Variants in STK38 observed in about 807,000 individuals in gnomAD.
The protein encoded by STK38 is serine/threonine kinase 38.
A neutral mutation model predicts 59.0 loss-of-function variants in STK38; 26 were observed. That is an observed-to-expected ratio of 0.44 (90% CI 0.32 to 0.61). The LOEUF (loss-of-function observed/expected upper bound fraction) is 0.61. Ranked by LOEUF, STK38 falls within the 20% of genes least tolerant of loss-of-function variation. The pLI is 0.04. For synonymous variants in STK38, 175 were observed against 176.6 expected (o/e 0.99, Z 0.07); for missense variants, 433 against 566.0 (o/e 0.76, Z 2.38).
At chr6:36,546,745 T>C (rs1778061612) in intron 1 of STK38, among the ~76,000 whole-genome samples, 1 of 152,132 alleles carries the variant, frequency 6.6e-6, no homozygotes, top group Non-Finnish European at 1.5e-5. Flanking sequence ...AGGAGCCGAC[T>C]CAAAGATACC....
chr6:36,499,400 A>C (rs940906568), intron 10 of STK38, among the ~76,000 whole-genome samples: 2 of 152,116 alleles, frequency 1.3e-5, no homozygotes, highest in African/African-American at 2.4e-5. Flanking sequence ...GGATATACTT[A>C]ATCTAGTGCT....
At chr6:36,521,128 G>A (rs1290963614) in intron 5 of STK38, among the ~76,000 whole-genome samples, 1 of 152,148 alleles carries the variant, frequency 6.6e-6, no homozygotes, top group Non-Finnish European at 1.5e-5. Context: ...TTTATAAATT[G>A]ATTTGCAAAC....
At chr6:36,520,302 A>C (rs1052069960) in intron 5 of STK38, among the ~76,000 whole-genome samples, 5 of 152,400 alleles carry the variant, frequency 3.3e-5, no homozygotes, top group African/African-American at 1.2e-4. Context: ...AAGTTTTAGA[A>C]AGTGATTTTG....
rs530721684 is a variant in STK38 at position 36,527,559 on chromosome 6, A to G, written c.132-1917T>C. On this transcript the variant is annotated intron_variant, in intron 2 of 13. Transcript: ENST00000229812. ...CGGAGTGAGACTCTGCCTCAAAGAA[A>G]AAAAAAACCTTCAGACATCAAACTT... is the stretch of plus-strand genomic sequence containing the variant. Among the ~76,000 whole-genome samples, 10 of 151,866 alleles carry G rather than the reference A, an allele frequency of 6.6e-5. No individual in the cohort carries two copies. In the South Asian group the frequency reaches 2.1e-3, roughly 32 times the overall value.
chr6:36,504,932 A>AAAAGAAAGG (rs1776928469), intron 9 of STK38, among the ~76,000 whole-genome samples: 1 of 147,176 alleles, frequency 6.8e-6, no homozygotes, highest in African/African-American at 2.5e-5. Flanking sequence ...AGAAAGAAAG[A>AAAAGAAAGG]AAAGAAAGGA....
At chr6:36,540,019 C>G in intron 2 of STK38, 53 bp downstream of exon 2, 1 of 1,604,710 alleles carries the variant, frequency 6.2e-7, no homozygotes, top group Non-Finnish European at 8.5e-7. Context: ...TTTTACAATA[C>G]GAGAAAGGAA....
At chr6:36,538,891 CAAA>C (rs1214217676) in intron 2 of STK38, among the ~76,000 whole-genome samples, 1 of 54,134 alleles carries the variant, frequency 1.8e-5, no homozygotes, top group Non-Finnish European at 3.5e-5. Context: ...GACTCTGTCT[CAAA>C]AAAAAAAAAA....
Position 36,495,913 on chromosome 6 carries a change from C to A in STK38, c.1269G>T (p.Val423=). 6.2e-7 allele frequency: 1 copy of A among 1,613,926 alleles called. No homozygotes were observed. The highest frequency in any genetic ancestry group is 1.1e-5 in the South Asian group (1 of 91,056). ...CAGTCTCAGGATGATTACTTGTGGC[C>A]ACTGGGAAAGAAATAGATGTGAGAG... ...FPESDILKPT[V]ATSNHPETDY... The change falls in exon 14 of 14, where the codon GTG becomes GTT. Residue 423 remains valine (V), a splice_region_variant and synonymous_variant. Coordinates refer to ENST00000229812, the MANE Select transcript of STK38 (RefSeq NM_007271.4).
intron 2 of STK38, among the ~76,000 whole-genome samples, chr6:36,535,472 GCAAA>G (rs1777766742): frequency 1.3e-5 from 2 of 151,792 alleles, no homozygotes; most frequent in African/African-American, 4.8e-5. Context: ...AAACAAGCAA[GCAAA>G]CAAACAACAA....
intron 2 of STK38, among the ~76,000 whole-genome samples, chr6:36,533,321 T>G (rs1777714671): frequency 6.6e-6 from 1 of 152,176 alleles, no homozygotes. Context: ...CTTACTGTTC[T>G]TTAATGAAAA....
intron 9 of STK38, among the ~76,000 whole-genome samples, chr6:36,504,780 T>C (rs1243573550): frequency 2.0e-5 from 3 of 151,412 alleles, no homozygotes; most frequent in Non-Finnish European, 4.4e-5. Flanking sequence ...ACATGACCCT[T>C]GGGTACACAT....
intron 6 of STK38, among the ~76,000 whole-genome samples, chr6:36,516,410 T>C (rs1353412634): frequency 2.6e-5 from 4 of 152,380 alleles, no homozygotes; most frequent in East Asian, 1.9e-4. Flanking sequence ...AAGTCACTTA[T>C]GTTAGAAAAC....
At chr6:36,529,542 G>A (rs575338280) in intron 2 of STK38, among the ~76,000 whole-genome samples, 2 of 152,266 alleles carry the variant, frequency 1.3e-5, no homozygotes. Context: ...GAGAGACGAA[G>A]CCACTTTCAC....
chr6:36,541,637 T>C (rs1379319337), intron 1 of STK38, among the ~76,000 whole-genome samples: 2 of 152,176 alleles, frequency 1.3e-5, no homozygotes, highest in Non-Finnish European at 2.9e-5. Flanking sequence ...TCAGAGGAAA[T>C]GTTTCCACTC....
At chr6:36,538,357 A>C (rs1777848606) in intron 2 of STK38, among the ~76,000 whole-genome samples, 2 of 152,192 alleles carry the variant, frequency 1.3e-5, no homozygotes, top group Admixed American at 6.6e-5. Flanking sequence ...TCTTTGTCTA[A>C]GGTTGAAGAA....
intron 3 of STK38, 94 bp from the exon 4 acceptor site, chr6:36,524,557 C>T: frequency 7.5e-7 from 1 of 1,330,868 alleles, no homozygotes; most frequent in African/African-American, 1.5e-5. Flanking sequence ...AGCTAGAAAA[C>T]AGGTCCAAGT....
chr6:36,497,533 C>T (rs1393444435), intron 12 of STK38, among the ~76,000 whole-genome samples: 1 of 152,206 alleles, frequency 6.6e-6, no homozygotes, highest in East Asian at 1.9e-4. Flanking sequence ...TAGATGCTCC[C>T]TCCACCTCAA....
chr6:36,506,437 C>A (rs1776963619), intron 9 of STK38, 146 bp downstream of exon 9: 4 of 795,862 alleles, frequency 5.0e-6, no homozygotes, highest in Non-Finnish European at 8.0e-6. Context: ...TTCGGTCCTA[C>A]CAACCTAACA....
At chr6:36,523,920 G>A (rs777021206) in intron 4 of STK38, among the ~76,000 whole-genome samples, 3 of 152,190 alleles carry the variant, frequency 2.0e-5, no homozygotes, top group Non-Finnish European at 2.9e-5. Flanking sequence ...AGCTCTTTGA[G>A]TTCAGGAAGT....
Sources: allele counts gnomAD v4.1 joint callset (sites outside exome capture counted in the v4.1 genomes callset), GRCh38; gene constraint gnomAD v4.1.1; transcripts MANE v1.5; gene names NCBI Gene and HGNC (gene_info 2026-07-23, HGNC 2026-07-21).